Variants in ABCA13 observed in about 807,000 individuals in gnomAD.
The protein encoded by ABCA13 is ATP binding cassette subfamily A member 13, also known as ATP-binding cassette sub-family A member 13.
In ABCA13, 476 loss-of-function variants were observed where a neutral mutation model predicts 478.7. The ratio of observed to expected loss-of-function variants is 0.99; its 90% confidence interval spans 0.92 to 1.07. The LOEUF is 1.07. Among genes scored for constraint, ABCA13 ranks in the 50% least tolerant of loss-of-function variants. The pLI is 0.00. For missense variants in ABCA13, 6,060 were observed against 5,910.6 expected (o/e 1.03, Z -0.83); for synonymous variants, 2,252 against 2,158.9 (o/e 1.04, Z -1.20).
chr7:48,628,638 A>G (rs916238558), intron 59 of ABCA13, among the ~76,000 whole-genome samples: 1 of 152,174 alleles, frequency 6.6e-6, no homozygotes, highest in African/African-American at 2.4e-5. Flanking sequence ...ATATAGCATT[A>G]ATTTATGTAC....
At chr7:48,448,840 C>A (rs893629618) in intron 42 of ABCA13, among the ~76,000 whole-genome samples, 1 of 151,840 alleles carries the variant, frequency 6.6e-6, no homozygotes, top group Admixed American at 6.6e-5. Flanking sequence ...ATTTAATTAA[C>A]CTAGCTTTAT....
chr7:48,580,245 T>G lies in ABCA13; in HGVS notation c.14376T>G (p.Ser4792=). Reference sequence around the variant, plus strand: ...GCAGAGACGCCGTGGACCTGTCTTCTGCTGGCACGGCAGGCGTGCTCATTG... The same window carrying G: ...GCAGAGACGCCGTGGACCTGTCTTCGGCTGGCACGGCAGGCGTGCTCATTG... ...TPMGDAVDLS[S]AGTAGVLIGY... The change falls in exon 56 of 62, where the codon TCT becomes TCG. Residue 4792 remains serine, a synonymous_variant. Transcript: ENST00000435803. The G allele has an allele frequency of 6.2e-7, 1 of 1,611,340 alleles. No homozygotes were observed. Among genetic ancestry groups the G allele is most frequent in the South Asian group, 1.1e-5 (1 of 90,520 alleles).
chr7:48,311,354 A>T (rs1801745018), intron 24 of ABCA13, among the ~76,000 whole-genome samples: 2 of 152,114 alleles, frequency 1.3e-5, no homozygotes, highest in Non-Finnish European at 2.9e-5. Context: ...CATTTCTTGC[A>T]TCCCCATAAT....
In ABCA13 at chr7:48,640,764, G is replaced by A. The variant is rs201496196; in HGVS notation, c.14838-2524G>A. On this transcript the variant is annotated intron_variant, in intron 59 of 61. Transcript: ENST00000435803. ...GAAAAAGTCAAGCTAATATTAATTAGATATTTACATCATAATGAATTTAAT... is the reference window on the plus strand; with the variant it reads ...GAAAAAGTCAAGCTAATATTAATTAAATATTTACATCATAATGAATTTAAT... Among the ~76,000 whole-genome samples, 11 of 152,206 alleles carry A rather than the reference G, an allele frequency of 7.2e-5. No individual in the cohort carries two copies. In the East Asian group the frequency reaches 2.1e-3, roughly 29 times the overall value.
chr7:48,412,630 C>A, intron 41 of ABCA13, 47 bp downstream of exon 41: 2 of 1,503,554 alleles, frequency 1.3e-6, no homozygotes, highest in South Asian at 2.6e-5. Context: ...GCCTTTTTGA[C>A]CAGTCCACAT....
At chr7:48,317,328 C>A (rs749958952) in intron 27 of ABCA13, 32 bp downstream of exon 27, 11 of 1,580,316 alleles carry the variant, frequency 7.0e-6, no homozygotes, top group Non-Finnish European at 9.5e-6. Context: ...TCATATAGAC[C>A]ATACATACAC....
chr7:48,334,919 G>A (rs1308449771), intron 27 of ABCA13, among the ~76,000 whole-genome samples: 2 of 152,160 alleles, frequency 1.3e-5, no homozygotes, highest in African/African-American at 4.8e-5. Context: ...AGAGAGTAAA[G>A]CATGTGCATT....
At chr7:48,477,222 T>G (rs371441567) in intron 45 of ABCA13, among the ~76,000 whole-genome samples, 1 of 152,106 alleles carries the variant, frequency 6.6e-6, no homozygotes, top group African/African-American at 2.4e-5. Context: ...CTCATGATCA[T>G]TAAAAAGTCA....
chr7:48,480,605 T>C (rs1828657990), intron 45 of ABCA13, among the ~76,000 whole-genome samples: 1 of 152,154 alleles, frequency 6.6e-6, no homozygotes, highest in Admixed American at 6.5e-5. Flanking sequence ...TGCTGGTGAG[T>C]CGCTGGAGAA....
chr7:48,488,077 T>C (rs1045604044), intron 47 of ABCA13, among the ~76,000 whole-genome samples: 1 of 151,990 alleles, frequency 6.6e-6, no homozygotes, highest in Non-Finnish European at 1.5e-5. Flanking sequence ...CTTCTTCTCC[T>C]TGGGGTTTAA....
chr7:48,173,434 A>G (rs139893459), intron 1 of ABCA13, among the ~76,000 whole-genome samples: 4,084 of 152,352 alleles, frequency 0.027, 155 homozygotes, highest in African/African-American at 0.087. Flanking sequence ...GAAGGAAGGA[A>G]TAAAGCATTT....
intron 35 of ABCA13, among the ~76,000 whole-genome samples, 168 bp downstream of exon 35, chr7:48,376,740 C>A (rs2129036298): frequency 6.6e-6 from 1 of 152,154 alleles, no homozygotes; most frequent in East Asian, 1.9e-4. Context: ...AAATGTGATG[C>A]CTTTGTTTCC....
At position 48,516,830 on chromosome 7, in the gene ABCA13, C is replaced by A; in HGVS notation, c.13746C>A (p.Thr4582=). 1 of 1,613,736 alleles carries A rather than the reference C, an allele frequency of 6.2e-7. No individual in the cohort carries two copies. Among genetic ancestry groups the A allele is most frequent in the South Asian group, 1.1e-5 (1 of 91,076 alleles). Residue 4582 remains threonine (T), a synonymous_variant, in exon 52 of 62, where the codon ACC becomes ACA. Transcript: ENST00000435803. ...TAAACTTCATCTTTGGCCTTTGTACCATGCTCATAACCATTATGCCCCGGT... is the reference window on the plus strand; with the variant it reads ...TAAACTTCATCTTTGGCCTTTGTACAATGCTCATAACCATTATGCCCCGGT... The part of the protein sequence containing the change: ...VSLNFIFGLC[T]MLITIMPRLL...
Position 48,278,272 on chromosome 7 carries a change from A to C in ABCA13, c.7078A>C (p.Lys2360Gln), listed in dbSNP as rs1796566103. 34 of 1,612,264 alleles carry C rather than the reference A, an allele frequency of 2.1e-5. No homozygotes were observed. The highest frequency in any genetic ancestry group is 2.9e-5 in the Non-Finnish European group (34 of 1,178,778). The change falls in exon 18 of 62, where the codon AAG becomes CAG. Residue 2360 changes from lysine to glutamine, a missense_variant. This residue lies in a region of ABCA13 where 4,423 missense variants were observed against 4,309.1 expected (regional missense o/e 1.03). Transcript: ENST00000435803. ...EFYFDTHQGL[K>Q]FMQDLFNALL... The stretch of plus-strand genomic sequence containing the variant: ...TTATTTTGATACTCATCAAGGACTG[A>C]AGTTCATGCAAGATTTATTTAATGC...
chr7:48,581,862 T>C (rs77496198), intron 56 of ABCA13, among the ~76,000 whole-genome samples: 5,627 of 152,330 alleles, frequency 0.037, 153 homozygotes, highest in Middle Eastern at 0.058. Context: ...AGTTAGCTCC[T>C]TTTCTGGAAA....
At chr7:48,304,521 G>A (rs547018049) in intron 23 of ABCA13, among the ~76,000 whole-genome samples, 35 of 152,066 alleles carry the variant, frequency 2.3e-4, no homozygotes, top group Non-Finnish European at 4.4e-4. Context: ...CTTTCTGACT[G>A]GTGTGAGATA....
intron 40 of ABCA13, among the ~76,000 whole-genome samples, chr7:48,410,910 A>G (rs1313428145): frequency 1.3e-5 from 2 of 152,244 alleles, no homozygotes; most frequent in Admixed American, 6.5e-5. Context: ...TACCTGATAG[A>G]TAACAGGAGC....
At chr7:48,542,697 A>AT (rs145724803) in intron 55 of ABCA13, among the ~76,000 whole-genome samples, 21,246 of 151,536 alleles carry the variant, frequency 0.14, 2,054 homozygotes, top group African/African-American at 0.23. Flanking sequence ...GTAATAAGAT[A>AT]ATACCATGTT....
chr7:48,330,481 A>ATCTG (rs1189022966), intron 27 of ABCA13, among the ~76,000 whole-genome samples: 1 of 119,052 alleles, frequency 8.4e-6, no homozygotes, highest in Non-Finnish European at 1.8e-5. Context: ...TTGTCCATCC[A>ATCTG]TCCGTCCATC....
Sources: gnomAD v4.1 joint callset for allele counts (sites outside exome capture counted in the v4.1 genomes callset) on GRCh38, gnomAD v4.1.1 for gene constraint, gnomAD v4.1.1 regional missense constraint, MANE v1.5 for transcripts, NCBI Gene and HGNC (gene_info 2026-07-23, HGNC 2026-07-21) for gene names.